Variants in HSF2BP observed in about 807,000 individuals in gnomAD.
HSF2BP encodes heat shock factor 2-binding protein.
A neutral mutation model predicts 35.0 loss-of-function variants in HSF2BP; 35 were observed. The ratio of observed to expected loss-of-function variants is 1.00; its 90% CI spans 0.76 to 1.32. The LOEUF is 1.32. Ranked by LOEUF, HSF2BP falls within the 40% of genes most tolerant of loss-of-function variation. The pLI is 0.00. For missense variants in HSF2BP, 326 were observed against 321.7 expected, an observed-to-expected ratio of 1.01 and a Z score of -0.10; for synonymous variants, 114 against 117.4, an observed-to-expected ratio of 0.97 and a Z score of 0.18.
intron 7 of HSF2BP, among the ~76,000 whole-genome samples, chr21:43,609,641 G>C (rs1233862163): frequency 6.6e-6 from 1 of 151,974 alleles, no homozygotes; most frequent in Non-Finnish European, 1.5e-5. Context: ...AAAGGTCTTG[G>C]GGCTCCAGAG....
At chr21:43,592,567 T>C (rs527592663) in intron 7 of HSF2BP, among the ~76,000 whole-genome samples, 2 of 152,304 alleles carry the variant, frequency 1.3e-5, no homozygotes, top group African/African-American at 2.4e-5. Flanking sequence ...AGAGTCTCGA[T>C]TGCAGAGAGG....
chr21:43,584,850 T>C (rs2081826646), intron 8 of HSF2BP, among the ~76,000 whole-genome samples: 1 of 152,118 alleles, frequency 6.6e-6, no homozygotes, highest in South Asian at 2.1e-4. Context: ...CGGGGCTTTG[T>C]CTCCTATCCC....
intron 7 of HSF2BP, chr21:43,610,078 A>C (rs763987616): frequency 6.6e-6 from 1 of 152,362 alleles, no homozygotes; most frequent in African/African-American, 2.4e-5. Context: ...CAGAAGCAAA[A>C]GAGGCAATGG....
Position 43,595,726 on chromosome 21 carries a change from ATTTTTTTTTTTTTTT to A in HSF2BP, c.693-3413_693-3399del, listed in dbSNP as rs770855952. 1.4e-3 allele frequency among the ~76,000 whole-genome samples: 81 copies of A among 58,454 alleles called. 1 individual carries two copies. Among genetic ancestry groups the A allele is most frequent in the Admixed American group, 3.3e-3 (10 of 3,000 alleles). 38.3% of individuals were successfully genotyped at this position (58,454 alleles called of 152,430 possible). A position where few individuals can be genotyped will look rare whatever the true frequency, so the allele number is the denominator to read the frequency against. On this transcript the variant is annotated intron_variant, in intron 7 of 8. Transcript: ENST00000291560. ...AGCATCTTTAAAAATTAAGAGGCTA[ATTTTTTTTTTTTTTT>A]TTTTTTTTTTTTTTTTTTGTGAAAC...
At chr21:43,593,013 A>AT (rs1180052337) in intron 7 of HSF2BP, among the ~76,000 whole-genome samples, 6 of 152,190 alleles carry the variant, frequency 3.9e-5, no homozygotes, top group Admixed American at 6.5e-5. Context: ...CTAGACAAAT[A>AT]TTTTTTGCAA....
At chr21:43,594,793 T>C (rs142236526) in intron 7 of HSF2BP, among the ~76,000 whole-genome samples, 2 of 151,914 alleles carry the variant, frequency 1.3e-5, no homozygotes, top group East Asian at 1.9e-4. Flanking sequence ...GGAAAAATCA[T>C]AATAAAAAGA....
intron 8 of HSF2BP, among the ~76,000 whole-genome samples, chr21:43,586,645 G>T (rs1456467001): frequency 6.6e-6 from 1 of 152,080 alleles, no homozygotes; most frequent in African/African-American, 2.4e-5. Context: ...GATTCTAAAA[G>T]GTTAGGTAAG....
chr21:43,628,376 G>A (rs1450831483), intron 6 of HSF2BP, among the ~76,000 whole-genome samples: 6 of 152,240 alleles, frequency 3.9e-5, no homozygotes, highest in Non-Finnish European at 8.8e-5. Flanking sequence ...GAAAGCCCAA[G>A]TATTCTAGAC....
chr21:43,634,131 C>T (rs1437437987), intron 4 of HSF2BP, among the ~76,000 whole-genome samples: 1 of 152,152 alleles, frequency 6.6e-6, no homozygotes, highest in Admixed American at 6.5e-5. Flanking sequence ...CAGTGCCAGT[C>T]TAAGAAGAAG....
At chr21:43,572,107 G>A (rs749455007) in intron 8 of HSF2BP, among the ~76,000 whole-genome samples, 1 of 152,178 alleles carries the variant, frequency 6.6e-6, no homozygotes, top group Non-Finnish European at 1.5e-5. Flanking sequence ...CCTCCACAGT[G>A]GGAGTGAAGG....
chr21:43,648,884 T>A (rs2082744561), intron 3 of HSF2BP, among the ~76,000 whole-genome samples: 1 of 152,242 alleles, frequency 6.6e-6, no homozygotes, highest in African/African-American at 2.4e-5. Flanking sequence ...TACAGTCCCA[T>A]AAACATTCAA....
Position 43,630,343 on chromosome 21 carries a change from C to A in HSF2BP, c.553G>T (p.Ala185Ser). Residue 185 changes from alanine (A) to serine (S), a missense_variant, in exon 6 of 9, where the codon GCT becomes TCT. Physicochemically the swap from Ala to Ser is moderately conservative, Grantham distance 99. Coordinates refer to ENST00000291560, the MANE Select transcript of HSF2BP (RefSeq NM_007031.2). Reference sequence around the variant, plus strand: ...TTACTCGTGACAATTCCAGCCAGAGCGAAAACAAACTGACTTTCATCCGAA... The same window carrying A: ...TTACTCGTGACAATTCCAGCCAGAGAGAAAACAAACTGACTTTCATCCGAA... ...LDSDESQFVF[A>S]LAGIVTNVAA... The A allele has an allele frequency of 6.2e-7, 1 of 1,612,014 alleles. No homozygotes were observed.
chr21:43,656,000 G>A (rs1171119553), intron 3 of HSF2BP, among the ~76,000 whole-genome samples: 1 of 152,214 alleles, frequency 6.6e-6, no homozygotes, highest in Admixed American at 6.5e-5. Context: ...TACCGTCAAA[G>A]GCTGATTTAA....
At position 43,595,726 on chromosome 21, in the gene HSF2BP, ATTTTTTTTTTTTTTTTT is replaced by A. The variant is rs770855952; in HGVS notation, c.693-3415_693-3399del. 5.1e-3 allele frequency among the ~76,000 whole-genome samples: 300 copies of A among 58,468 alleles called. 6 individuals carry two copies. The highest frequency in any genetic ancestry group is 0.017 in the African/African-American group (281 of 16,530). The allele number at this position is 58,468 out of a possible 152,430, so 38.4% of individuals were successfully genotyped here. ...AGCATCTTTAAAAATTAAGAGGCTA[ATTTTTTTTTTTTTTTTT>A]TTTTTTTTTTTTTTTTGTGAAACAG... On this transcript the variant is annotated intron_variant, in intron 7 of 8. Coordinates refer to ENST00000291560, the MANE Select transcript of HSF2BP (RefSeq NM_007031.2).
At chr21:43,600,862 C>T (rs987835231) in intron 7 of HSF2BP, among the ~76,000 whole-genome samples, 5 of 152,310 alleles carry the variant, frequency 3.3e-5, no homozygotes, top group South Asian at 2.1e-4. Flanking sequence ...AAACTAGCCA[C>T]GCATTGCTAA....
intron 7 of HSF2BP, among the ~76,000 whole-genome samples, chr21:43,600,904 C>T (rs377201819): frequency 1.3e-5 from 2 of 152,294 alleles, no homozygotes; most frequent in East Asian, 1.9e-4. Context: ...TTTCTTTGCA[C>T]GTCTGCATCA....
Position 43,657,760 on chromosome 21 carries a change from G to A in HSF2BP, c.36+301C>T, listed in dbSNP as rs537806677. On this transcript the variant is annotated intron_variant, in intron 2 of 8. Coordinates refer to ENST00000291560, the MANE Select transcript of HSF2BP (RefSeq NM_007031.2). ...CTTCGGAGGGGAACTGGGCTTCCAC[G>A]GAGCAGAGAAGAGAGTGACCATCCA... The A allele has an allele frequency of 2.2e-5, 19 of 870,758 alleles. No individual in the cohort carries two copies. In the Admixed American group the frequency reaches 2.5e-4, roughly 11 times the overall value. The allele number at this position is 870,758 out of a possible 1,614,324, so 53.9% of individuals were successfully genotyped here.
At chr21:43,608,774 C>A (rs955671505) in intron 7 of HSF2BP, among the ~76,000 whole-genome samples, 1 of 150,608 alleles carries the variant, frequency 6.6e-6, no homozygotes, top group South Asian at 2.1e-4. Flanking sequence ...CTATCCTGGG[C>A]AAGAAAGTGA....
chr21:43,617,543 A>G (rs1435569724), intron 6 of HSF2BP, among the ~76,000 whole-genome samples: 1 of 151,140 alleles, frequency 6.6e-6, no homozygotes, highest in Non-Finnish European at 1.5e-5. Flanking sequence ...CTTTGTTACC[A>G]TCTACCAAAA....
Sources: allele counts gnomAD v4.1 joint callset (sites outside exome capture counted in the v4.1 genomes callset), GRCh38; gene constraint gnomAD v4.1.1; transcripts MANE v1.5; gene names NCBI Gene and HGNC (gene_info 2026-07-23, HGNC 2026-07-21).